The following HIRA variants were observed in gnomAD, a reference collection of about 807,000 sequenced individuals.
HIRA encodes the protein histone cell cycle regulator, also known as protein HIRA.
HIRA carries 13 observed loss-of-function variants against 126.6 expected under a neutral mutation model. The ratio of observed to expected loss-of-function variants is 0.10; its 90% CI spans 0.07 to 0.16. The LOEUF (loss-of-function observed/expected upper bound fraction) is 0.16. Ranked by LOEUF, HIRA falls within the 10% of genes least tolerant of loss-of-function variation. The probability of loss-of-function intolerance (pLI) is 1.00; values close to 1 mark genes in which losing one functional copy is unlikely to be tolerated. For synonymous variants in HIRA, 511 were observed against 520.0 expected (o/e 0.98, Z 0.24); for missense variants, 834 against 1,314.4 (o/e 0.63, Z 5.65).
rs535692838 is a variant in HIRA at position 19,343,799 on chromosome 22, C to T, written c.2937+7559G>A. On this transcript the variant is annotated intron_variant, in intron 24 of 24. Transcript: ENST00000263208. Reference sequence around the variant, plus strand: ...ACAATTAGTTGGGTGTGGTGGTGCACGCCTGTAATCCCAGCTACTCGGGAG... The same window carrying T: ...ACAATTAGTTGGGTGTGGTGGTGCATGCCTGTAATCCCAGCTACTCGGGAG... Among the ~76,000 whole-genome samples, 47 of 151,404 alleles carry T rather than the reference C, an allele frequency of 3.1e-4. 1 individual carries two copies. Among genetic ancestry groups the T allele is most frequent in the African/African-American group, 9.0e-4 (37 of 41,208 alleles).
At chr22:19,380,124 C>A (rs1456820834) in intron 13 of HIRA, among the ~76,000 whole-genome samples, 3 of 152,098 alleles carry the variant, frequency 2.0e-5, no homozygotes, top group African/African-American at 7.2e-5. Flanking sequence ...CTTTTAAATG[C>A]ACTAAAATTT....
intron 1 of HIRA, among the ~76,000 whole-genome samples, chr22:19,418,925 AACACACACACACAC>A (rs66479451): frequency 1.8e-4 from 27 of 149,854 alleles, no homozygotes; most frequent in Non-Finnish European, 3.4e-4. Context: ...ATAAGAAATA[AACACACACACACAC>A]ACACACACAC....
At chr22:19,426,446 G>A (rs1311373990) in intron 1 of HIRA, among the ~76,000 whole-genome samples, 3 of 152,070 alleles carry the variant, frequency 2.0e-5, no homozygotes, top group South Asian at 4.1e-4. Context: ...GTGCTGTAGC[G>A]CCTTCTCTGC....
At chr22:19,346,539 G>A (rs1043885015) in intron 24 of HIRA, among the ~76,000 whole-genome samples, 8 of 152,224 alleles carry the variant, frequency 5.3e-5, no homozygotes, top group Admixed American at 1.3e-4. Flanking sequence ...CTATGTCTAC[G>A]TCTGCTCTAA....
chr22:19,416,577 C>T (rs900711209), intron 1 of HIRA, among the ~76,000 whole-genome samples: 1 of 152,088 alleles, frequency 6.6e-6, no homozygotes, highest in Non-Finnish European at 1.5e-5. Context: ...TGAGTTCAAG[C>T]GATCTGCTAC....
At chr22:19,352,331 G>A (rs1250358905) in intron 23 of HIRA, among the ~76,000 whole-genome samples, 3 of 152,062 alleles carry the variant, frequency 2.0e-5, no homozygotes, top group Non-Finnish European at 4.4e-5. Context: ...AACCAGAGTG[G>A]AGTAAGAGGA....
intron 13 of HIRA, among the ~76,000 whole-genome samples, chr22:19,382,047 TTGTC>T (rs1206977794): frequency 1.3e-5 from 2 of 152,246 alleles, no homozygotes; most frequent in Non-Finnish European, 1.5e-5. Context: ...TCTTTTTGAT[TTGTC>T]TATTATTTCT....
chr22:19,424,220 A>G (rs1350566880), intron 1 of HIRA, among the ~76,000 whole-genome samples: 2 of 152,204 alleles, frequency 1.3e-5, no homozygotes, highest in Non-Finnish European at 2.9e-5. Context: ...ATAGAACTCC[A>G]GTTTTATTCA....
chr22:19,382,374 A>G (rs1454142789), intron 13 of HIRA, among the ~76,000 whole-genome samples: 2 of 152,104 alleles, frequency 1.3e-5, no homozygotes, highest in Non-Finnish European at 2.9e-5. Flanking sequence ...TCAACCACAC[A>G]CTGGGTCTCA....
chr22:19,344,815 G>T (rs1010600477), intron 24 of HIRA, among the ~76,000 whole-genome samples: 1 of 152,120 alleles, frequency 6.6e-6, no homozygotes, highest in Non-Finnish European at 1.5e-5. Flanking sequence ...TTGAATGCAA[G>T]AATGGTTTAA....
intron 1 of HIRA, among the ~76,000 whole-genome samples, chr22:19,418,075 C>T (rs2089413973): frequency 1.3e-5 from 2 of 151,970 alleles, no homozygotes; most frequent in Non-Finnish European, 2.9e-5. Flanking sequence ...TGGTTGCCTA[C>T]GTCTGAGTTG....
intron 15 of HIRA, chr22:19,365,898 A>G (rs1394485552): frequency 1.3e-5 from 2 of 152,268 alleles, no homozygotes; most frequent in Non-Finnish European, 2.9e-5. Context: ...TCTGAGAGCA[A>G]GAGACCACAC....
At chr22:19,341,049 C>T (rs1408575152) in intron 24 of HIRA, among the ~76,000 whole-genome samples, 4 of 152,210 alleles carry the variant, frequency 2.6e-5, no homozygotes, top group Non-Finnish European at 4.4e-5. Flanking sequence ...GGTGTGGTGG[C>T]TCACGCCTGT....
chr22:19,354,006 G>T lies in HIRA; in HGVS notation c.2674C>A (p.Arg892Ser). 1 of 1,613,244 alleles carries T rather than the reference G, an allele frequency of 6.2e-7. No homozygotes were observed. Among genetic ancestry groups the T allele is most frequent in the Non-Finnish European group, 8.5e-7 (1 of 1,179,698 alleles). ...CSGPLAIIQGRTSNSGRQAAR... is the reference protein window; with the variant it reads ...CSGPLAIIQGSTSNSGRQAAR... Reference sequence around the variant, plus strand: ...ATTCAGGTCACGTACTTGGAGGTGCGGCCCTGGATTATGGCTAACGGTCCT... The same window carrying T: ...ATTCAGGTCACGTACTTGGAGGTGCTGCCCTGGATTATGGCTAACGGTCCT... The change falls in exon 22 of 25, where the codon CGC becomes AGC. Residue 892 changes from arginine to serine, a missense_variant. Around this residue, in one of 5 missense-constraint regions of HIRA, gnomAD observed 468 missense variants for 574.2 expected, o/e 0.82. Coordinates refer to ENST00000263208, the MANE Select transcript of HIRA (RefSeq NM_003325.4).
At chr22:19,391,483 CTTT>C (rs574374874) in intron 9 of HIRA, among the ~76,000 whole-genome samples, 11 of 137,728 alleles carry the variant, frequency 8.0e-5, no homozygotes, top group African/African-American at 8.2e-5. Flanking sequence ...TTTTCTTTTT[CTTT>C]TTTTTTTTTT....
At chr22:19,403,597 G>A (rs979151607) in intron 5 of HIRA, among the ~76,000 whole-genome samples, 7 of 152,334 alleles carry the variant, frequency 4.6e-5, no homozygotes, top group African/African-American at 1.7e-4. Flanking sequence ...GGGCAACAGA[G>A]CAGGACTCTG....
chr22:19,331,834 C>CTGA (rs1217310495), intron 24 of HIRA, among the ~76,000 whole-genome samples: 14 of 152,210 alleles, frequency 9.2e-5, no homozygotes, highest in Non-Finnish European at 1.8e-4. Flanking sequence ...CTTATAGTGA[C>CTGA]TGAGCAGTTC....
In HIRA at chr22:19,383,702, G is replaced by C. The variant is rs774133994; in HGVS notation, c.1333C>G (p.Leu445Val). Reference sequence around the variant, plus strand: ...CGAGTCTCAACTTGTTTCTTCAAAAGATTCTGGCAAAGCAGAGTTACATAA... The same window carrying C: ...CGAGTCTCAACTTGTTTCTTCAAAACATTCTGGCAAAGCAGAGTTACATAA... ...GESLEDIRKN[L>V]LKKQVETRTA... Residue 445 changes from leucine (L) to valine (V), a missense_variant, in exon 13 of 25, where the codon CTT (leucine) becomes GTT (valine). Transcript: ENST00000263208. The C allele has an allele frequency of 1.9e-6, 3 of 1,613,800 alleles. No individual in the cohort carries two copies. The highest frequency in any genetic ancestry group is 2.5e-6 in the Non-Finnish European group (3 of 1,179,718).
chr22:19,354,026 G>T lies in HIRA; in HGVS notation c.2654C>A (p.Pro885Gln). Residue 885 changes from proline (P) to glutamine (Q), a missense_variant, in exon 22 of 25, where the codon CCG becomes CAG. Transcript: ENST00000263208. ...PSQDAMLCSG[P>Q]LAIIQGRTSN... Reference sequence around the variant, plus strand: ...GGTGCGGCCCTGGATTATGGCTAACGGTCCTGAGCACAGCATGGCGTCCTG... The same window carrying T: ...GGTGCGGCCCTGGATTATGGCTAACTGTCCTGAGCACAGCATGGCGTCCTG... 5 of 1,613,466 alleles carry T rather than the reference G, an allele frequency of 3.1e-6. No individual in the cohort carries two copies. The highest frequency in any genetic ancestry group is 4.2e-6 in the Non-Finnish European group (5 of 1,179,806).
Sources: allele counts gnomAD v4.1 joint callset (sites outside exome capture counted in the v4.1 genomes callset), GRCh38; gene constraint gnomAD v4.1.1; regional missense constraint gnomAD v4.1.1; transcripts MANE v1.5; gene names NCBI Gene and HGNC (gene_info 2026-07-23, HGNC 2026-07-21).